Variants in ITGA11 observed in about 807,000 individuals in gnomAD.
ITGA11 encodes the protein integrin alpha-11.
Under a neutral mutation model 141.9 loss-of-function variants are expected in ITGA11, and 97 were observed. That is an observed-to-expected ratio of 0.68 (90% CI 0.58 to 0.81). The LOEUF (loss-of-function observed/expected upper bound fraction) is 0.81. ITGA11 is among the 30% of genes least tolerant of loss of function. The probability of loss-of-function intolerance (pLI) is 0.00; values close to 1 mark genes in which losing one functional copy is unlikely to be tolerated. For missense variants in ITGA11, 1,387 were observed against 1,559.2 expected (o/e 0.89, Z 1.86); for synonymous variants, 658 against 624.6 (o/e 1.05, Z -0.80).
intron 1 of ITGA11, among the ~76,000 whole-genome samples, chr15:68,424,286 CAGA>C (rs1450174645): frequency 6.6e-6 from 1 of 152,200 alleles, no homozygotes; most frequent in Non-Finnish European, 1.5e-5. Flanking sequence ...TGGGCAGTTC[CAGA>C]AGGACTGAGA....
chr15:68,387,326 C>T (rs1303287671), intron 2 of ITGA11, among the ~76,000 whole-genome samples: 1 of 152,160 alleles, frequency 6.6e-6, no homozygotes, highest in African/African-American at 2.4e-5. Flanking sequence ...CTGCCTCTGC[C>T]TGCTGTAACC....
At chr15:68,389,906 C>T (rs1231655163) in intron 2 of ITGA11, among the ~76,000 whole-genome samples, 1 of 152,180 alleles carries the variant, frequency 6.6e-6, no homozygotes. Context: ...ACCAAAGGCT[C>T]AGAGAGGCCC....
At chr15:68,355,155 A>G (rs1404075614) in intron 7 of ITGA11, among the ~76,000 whole-genome samples, 1 of 152,186 alleles carries the variant, frequency 6.6e-6, no homozygotes, top group Non-Finnish European at 1.5e-5. Context: ...GCTGGTGGTT[A>G]TGGGCTGCCT....
In ITGA11 at chr15:68,328,515, G is replaced by A. The variant is rs1332321978; in HGVS notation, c.1902-253C>T. Among the ~76,000 whole-genome samples, 1 of 152,142 alleles carries A rather than the reference G, an allele frequency of 6.6e-6. No individual in the cohort carries two copies. The highest frequency in any genetic ancestry group is 1.5e-5 in the Non-Finnish European group (1 of 68,026). On this transcript the variant is annotated intron_variant, in intron 15 of 29. Transcript: ENST00000315757. The surrounding 1 kb of genome is among the most constrained non-coding windows in gnomAD (Gnocchi z 4.8). ...CATGCAGCCCCTCAGCACTTTCCCCGAGGGGCTGTGCTCGCTGTGGATCAT... is the reference window on the plus strand; with the variant it reads ...CATGCAGCCCCTCAGCACTTTCCCCAAGGGGCTGTGCTCGCTGTGGATCAT...
intron 2 of ITGA11, among the ~76,000 whole-genome samples, chr15:68,376,527 C>T (rs1895733656): frequency 6.6e-6 from 1 of 152,250 alleles, no homozygotes; most frequent in African/African-American, 2.4e-5. Context: ...GCATCTGGCA[C>T]AGAGTAGATC....
At chr15:68,417,630 C>T (rs185973966) in intron 1 of ITGA11, among the ~76,000 whole-genome samples, 31 of 152,264 alleles carry the variant, frequency 2.0e-4, no homozygotes, top group South Asian at 4.2e-4. Context: ...CTAGACCCTT[C>T]CCAGGGCCCA....
intron 10 of ITGA11, among the ~76,000 whole-genome samples, chr15:68,348,579 G>C (rs16951841): frequency 0.15 from 22,071 of 152,184 alleles, 1,762 homozygotes; most frequent in African/African-American, 0.22. Flanking sequence ...TACGTTATTT[G>C]TGGGAAGGAT....
chr15:68,342,480 G>C (rs1037401413), intron 10 of ITGA11, among the ~76,000 whole-genome samples: 1 of 152,226 alleles, frequency 6.6e-6, no homozygotes, highest in Admixed American at 6.5e-5. Flanking sequence ...GGACGTTGTA[G>C]CCCTAGCACC....
rs542141814 is a variant in ITGA11 at position 68,324,283 on chromosome 15, T to C, written c.2322+848A>G. On this transcript the variant is annotated intron_variant, in intron 18 of 29. Coordinates refer to ENST00000315757, the MANE Select transcript of ITGA11 (RefSeq NM_001004439.2). The surrounding 1 kb of genome is among the most constrained non-coding windows in gnomAD (Gnocchi z 6.3). ...TGCTGTGGACTGTACGGTCCTTTCC[T>C]GGTGTTGAAGAAATGCAGGTAAGAA... is the stretch of plus-strand genomic sequence containing the variant. Among the ~76,000 whole-genome samples the C allele has an allele frequency of 1.3e-5, 2 of 152,230 alleles. No homozygotes were observed. The highest frequency in any genetic ancestry group is 4.2e-4 in the South Asian group (2 of 4,818).
chr15:68,368,422 T>C (rs1038909424), intron 3 of ITGA11, among the ~76,000 whole-genome samples: 2 of 152,246 alleles, frequency 1.3e-5, no homozygotes, highest in Non-Finnish European at 2.9e-5. Context: ...GACTGGTGTG[T>C]GTGCTTAGTG....
chr15:68,330,610 C>T (rs1203046389), intron 15 of ITGA11, among the ~76,000 whole-genome samples: 1 of 151,822 alleles, frequency 6.6e-6, no homozygotes, highest in Non-Finnish European at 1.5e-5. Context: ...GGAAAGAAAT[C>T]TCTGTACTAG....
rs78278689 is a variant in ITGA11, at chr15:68,417,257, G to T, written c.53-14228C>A. Among the ~76,000 whole-genome samples, 193 of 152,228 alleles carry T rather than the reference G, an allele frequency of 1.3e-3. 3 individuals are homozygous for T. The East Asian group carries it at 0.027, about 21-fold the overall frequency. On this transcript the variant is annotated intron_variant, in intron 1 of 29. Coordinates refer to ENST00000315757, the MANE Select transcript of ITGA11 (RefSeq NM_001004439.2). Reference sequence around the variant, plus strand: ...GAACCCAGGTTTTCGCTTCTTAAATGGTTTTGTCCCCATTGCAGGAAATGG... The same window carrying T: ...GAACCCAGGTTTTCGCTTCTTAAATTGTTTTGTCCCCATTGCAGGAAATGG...
rs2140252897 is a variant in ITGA11 at position 68,299,968 on chromosome 15, TG to T, written c.*3090del. 6.6e-6 allele frequency: 1 copy of T among 152,332 alleles called. No individual in the cohort carries two copies. The highest frequency in any genetic ancestry group is 2.1e-4 in the South Asian group (1 of 4,830). The allele number at this position is 152,332 out of a possible 1,614,324, so 9.4% of individuals were successfully genotyped here. A position where few individuals can be genotyped will look rare whatever the true frequency, so the allele number is the denominator to read the frequency against. On this transcript the variant is annotated 3_prime_UTR_variant, in exon 30 of 30. Coordinates refer to ENST00000315757, the MANE Select transcript of ITGA11 (RefSeq NM_001004439.2). ...CAAAAGTAAAACCCAGAAACTCCAC[TG>T]GGGTTTTTGCTGATTTTCTTTGCTG...
intron 16 of ITGA11, among the ~76,000 whole-genome samples, chr15:68,327,295 C>A (rs538722721): frequency 2.0e-5 from 3 of 152,352 alleles, no homozygotes; most frequent in South Asian, 2.1e-4. Context: ...AACCCTGCTG[C>A]CTCCTCCCCT....
chr15:68,311,267 C>T, intron 25 of ITGA11, 23 bp downstream of exon 25: 1 of 1,510,578 alleles, frequency 6.6e-7, no homozygotes, highest in Non-Finnish European at 9.0e-7. Flanking sequence ...CCTCCCCTAG[C>T]CGGCTCCCAA....
intron 2 of ITGA11, among the ~76,000 whole-genome samples, chr15:68,379,395 C>G (rs191404247): frequency 8.3e-4 from 127 of 152,360 alleles, no homozygotes; most frequent in Non-Finnish European, 1.6e-3. Context: ...GAGAGAGACC[C>G]TGATCCATCT....
intron 2 of ITGA11, among the ~76,000 whole-genome samples, chr15:68,396,603 G>A (rs1322515830): frequency 6.6e-6 from 1 of 151,180 alleles, no homozygotes; most frequent in Non-Finnish European, 1.5e-5. Context: ...AATAAAGGTA[G>A]GAAAATTGGA....
At chr15:68,363,174 A>G (rs1895306543) in intron 4 of ITGA11, among the ~76,000 whole-genome samples, 1 of 152,188 alleles carries the variant, frequency 6.6e-6, no homozygotes, top group Non-Finnish European at 1.5e-5. Context: ...GGATAGATGA[A>G]TGGAGGAATG....
At chr15:68,382,998 G>A (rs562413670) in intron 2 of ITGA11, among the ~76,000 whole-genome samples, 38 of 152,304 alleles carry the variant, frequency 2.5e-4, no homozygotes, top group Admixed American at 5.9e-4. Flanking sequence ...GCAGCCAGGC[G>A]TGGTGGCTCA....
Sources: allele counts gnomAD v4.1 joint callset (sites outside exome capture counted in the v4.1 genomes callset), GRCh38; gene constraint gnomAD v4.1.1; non-coding constraint Gnocchi (gnomAD v3.1); transcripts MANE v1.5; gene names NCBI Gene and HGNC (gene_info 2026-07-23, HGNC 2026-07-21).